SGF29: variants seen among roughly 807,000 people sequenced by gnomAD.
SGF29 encodes SAGA complex associated factor 29, also known as SAGA-associated factor 29.
In SGF29, 15 loss-of-function variants were observed where a neutral mutation model predicts 38.1. That is an observed-to-expected ratio of 0.39 (90% CI 0.26 to 0.61). SGF29 has a LOEUF of 0.61. SGF29 is among the 20% of genes least tolerant of loss of function. The pLI is 0.49. For synonymous variants in SGF29, 151 were observed against 160.8 expected (o/e 0.94, Z 0.46); for missense variants, 184 against 394.6 (o/e 0.47, Z 4.52).
chr16:28,589,767 C>T (rs934553993), intron 5 of SGF29, among the ~76,000 whole-genome samples: 4 of 152,212 alleles, frequency 2.6e-5, no homozygotes, highest in African/African-American at 9.6e-5. Flanking sequence ...GTGCAGAGTT[C>T]AATGAAATAG....
chr16:28,558,924 A>G (rs377483349), intron 1 of SGF29, among the ~76,000 whole-genome samples: 5 of 152,190 alleles, frequency 3.3e-5, no homozygotes, highest in African/African-American at 1.2e-4. Flanking sequence ...GCTAATGAGT[A>G]TAAGGTTTTA....
chr16:28,591,703 G>A lies in SGF29; in HGVS notation c.879G>A (p.Lys293=), dbSNP rs1337433420. Reference sequence around the variant, plus strand: ...TGGCTTGTAAGGAACCCAAGAAAAAGTGATGCCGCCTGGCAGACTCGCCAT... The same window carrying A: ...TGGCTTGTAAGGAACCCAAGAAAAAATGATGCCGCCTGGCAGACTCGCCAT... ...YVVACKEPKK[K] is the part of the protein sequence containing the mutation. The change falls in exon 10 of 10, where the codon AAG becomes AAA. Residue 293 remains lysine, a synonymous_variant. Transcript: ENST00000317058. 3 of 1,609,118 alleles carry A rather than the reference G, an allele frequency of 1.9e-6. No individual in the cohort carries two copies. The highest frequency in any genetic ancestry group is 2.6e-6 in the Non-Finnish European group (3 of 1,175,458).
At chr16:28,579,326 C>T (rs2046912745) in intron 1 of SGF29, among the ~76,000 whole-genome samples, 6 of 144,686 alleles carry the variant, frequency 4.1e-5, no homozygotes, top group Admixed American at 2.8e-4. Flanking sequence ...GGCGTGATCT[C>T]GGCGCACTGC....
At chr16:28,584,774 G>T (rs1403045871) in intron 2 of SGF29, 139 bp from the exon 3 acceptor site, 1 of 574,524 alleles carries the variant, frequency 1.7e-6, no homozygotes, top group Non-Finnish European at 3.0e-6. Context: ...GGGCGACAGA[G>T]TGAGACTCCA....
At chr16:28,579,411 C>A (rs1167350817) in intron 1 of SGF29, among the ~76,000 whole-genome samples, 1 of 151,528 alleles carries the variant, frequency 6.6e-6, no homozygotes, top group African/African-American at 2.4e-5. Context: ...GTGCCCACCA[C>A]CATGCCCAGC....
At chr16:28,570,442 C>T (rs2046858029) in intron 1 of SGF29, among the ~76,000 whole-genome samples, 1 of 152,140 alleles carries the variant, frequency 6.6e-6, no homozygotes, top group Admixed American at 6.6e-5. Context: ...AAGCACATAA[C>T]ACGTTTGATT....
rs1275486308 is a variant in SGF29, at chr16:28,590,262, A to G, written c.420-34A>G. The G allele has an allele frequency of 1.9e-6, 3 of 1,608,204 alleles. No homozygotes were observed. In the African/African-American group the frequency reaches 4.0e-5, roughly 21 times the overall value. On this transcript the variant is annotated intron_variant, in intron 6 of 9. Coordinates refer to ENST00000317058, the MANE Select transcript of SGF29 (RefSeq NM_138414.3). This position sits in a 1 kb window ranked among gnomAD's most constrained non-coding sequence, Gnocchi z 8.2. ...AGCTGCGAGGGAGGGGCTGGTGCCC[A>G]GGGGCTGGGACTGACCCTTTGTTCC...
At chr16:28,555,493 G>T (rs1361622407) in intron 1 of SGF29, among the ~76,000 whole-genome samples, 2 of 152,062 alleles carry the variant, frequency 1.3e-5, no homozygotes, top group Non-Finnish European at 2.9e-5. Flanking sequence ...AGTTCTAGAG[G>T]TGGAAGAAAA....
intron 2 of SGF29, among the ~76,000 whole-genome samples, chr16:28,583,115 A>G (rs534890327): frequency 3.3e-5 from 5 of 152,374 alleles, no homozygotes; most frequent in African/African-American, 1.2e-4. Context: ...GTCCTGACAG[A>G]CACAGGGCTT....
intron 1 of SGF29, among the ~76,000 whole-genome samples, chr16:28,557,968 T>G (rs1020775066): frequency 3.0e-5 from 4 of 135,022 alleles, no homozygotes; most frequent in African/African-American, 1.1e-4. Context: ...TTTCTCTGTT[T>G]TTTTTTTTTT....
chr16:28,569,254 G>A (rs946580084), intron 1 of SGF29, among the ~76,000 whole-genome samples: 9 of 152,258 alleles, frequency 5.9e-5, no homozygotes, highest in East Asian at 5.8e-4. Context: ...TTCTCTTGAC[G>A]GCTTATAGTA....
chr16:28,556,339 T>TTTTG (rs377033677), intron 1 of SGF29, among the ~76,000 whole-genome samples: 51 of 151,268 alleles, frequency 3.4e-4, no homozygotes, highest in African/African-American at 1.0e-3. Context: ...CTGGCTAATT[T>TTTTG]TTTGTTTGTT....
intron 1 of SGF29, among the ~76,000 whole-genome samples, chr16:28,578,410 T>C (rs1473595161): frequency 2.0e-5 from 3 of 152,146 alleles, no homozygotes; most frequent in Non-Finnish European, 4.4e-5. Context: ...GCTCATCTTG[T>C]TCCTGACTTA....
Position 28,590,928 on chromosome 16 carries a change from C to G in SGF29, c.758C>G (p.Pro253Arg). 1 of 1,609,408 alleles carries G rather than the reference C, an allele frequency of 6.2e-7. No homozygotes were observed. The highest frequency in any genetic ancestry group is 8.5e-7 in the Non-Finnish European group (1 of 1,177,726). Reference protein sequence around the residue: ...CFYRALIHAPPQRPQDDYSVL... With the variant: ...CFYRALIHAPRQRPQDDYSVL... ...TACCGCGCCCTGATCCATGCGCCCC[C>G]ACAGCGGGTAAAGCAGCCTCCAGGG... Residue 253 changes from proline to arginine, a missense_variant, in exon 9 of 10, where the codon CCA (proline) becomes CGA (arginine). By Grantham distance (103) the Pro-to-Arg change is moderately radical. This residue lies in a region of SGF29 where 107 missense variants were observed against 276.9 expected (regional missense o/e 0.39). Coordinates refer to ENST00000317058, the MANE Select transcript of SGF29 (RefSeq NM_138414.3). The surrounding 1 kb of genome is among the most constrained non-coding windows in gnomAD (Gnocchi z 8.2).
intron 1 of SGF29, among the ~76,000 whole-genome samples, chr16:28,560,591 G>GAAAA (rs973144396): frequency 1.6e-5 from 1 of 61,596 alleles, no homozygotes; most frequent in Non-Finnish European, 3.4e-5. Context: ...TCTGTCTCAA[G>GAAAA]AAAAAAAAAA....
At chr16:28,563,116 T>G (rs1164048962) in intron 1 of SGF29, among the ~76,000 whole-genome samples, 2 of 152,196 alleles carry the variant, frequency 1.3e-5, no homozygotes, top group Non-Finnish European at 1.5e-5. Flanking sequence ...TGTTGCATTT[T>G]TCTTTCACCT....
chr16:28,564,625 A>ATGTG (rs2046816666), intron 1 of SGF29, among the ~76,000 whole-genome samples: 1 of 124,154 alleles, frequency 8.1e-6, no homozygotes, highest in Non-Finnish European at 1.7e-5. Flanking sequence ...ACATATATGC[A>ATGTG]TATATATACG....
At position 28,590,169 on chromosome 16, in the gene SGF29, C is replaced by T. The variant is rs574507193; in HGVS notation, c.363C>T (p.Thr121=). 8 of 1,611,162 alleles carry T rather than the reference C, an allele frequency of 5.0e-6. No homozygotes were observed. In the South Asian group the frequency reaches 6.6e-5, roughly 13 times the overall value. The change falls in exon 6 of 10, where the codon ACC becomes ACT. Residue 121 remains threonine, a synonymous_variant. Coordinates refer to ENST00000317058, the MANE Select transcript of SGF29 (RefSeq NM_138414.3). The surrounding 1 kb of genome is among the most constrained non-coding windows in gnomAD (Gnocchi z 8.2). ...RKTMRRGVLM[T]LLQQSAMTLP... is the part of the protein sequence containing the mutation. ...CCATGCGCAGAGGGGTGCTGATGACCCTGCTGCAGCAGTCGGCCATGACCC... is the reference window on the plus strand; with the variant it reads ...CCATGCGCAGAGGGGTGCTGATGACTCTGCTGCAGCAGTCGGCCATGACCC...
Position 28,590,035 on chromosome 16 carries a change from T to C in SGF29, c.290-61T>C. On this transcript the variant is annotated intron_variant, in intron 5 of 9. Transcript: ENST00000317058. The surrounding 1 kb of genome is among the most constrained non-coding windows in gnomAD (Gnocchi z 8.2). ...GCTCCTTCAACAGCTCAGTGCAGCA[T>C]GCTCGGGGGTCAAGGCCGGCACCTA... The C allele has an allele frequency of 6.4e-7, 1 of 1,560,438 alleles. No homozygotes were observed. The highest frequency in any genetic ancestry group is 1.9e-5 in the Admixed American group (1 of 52,376).
Sources: allele counts gnomAD v4.1 joint callset (sites outside exome capture counted in the v4.1 genomes callset), GRCh38; gene constraint gnomAD v4.1.1; regional missense constraint gnomAD v4.1.1; non-coding constraint Gnocchi (gnomAD v3.1); transcripts MANE v1.5; gene names NCBI Gene and HGNC (gene_info 2026-07-23, HGNC 2026-07-21).